FHDC1: variants seen among roughly 807,000 people sequenced by gnomAD.
FHDC1 encodes FH2 domain-containing protein 1.
A neutral mutation model predicts 52.6 loss-of-function variants in FHDC1; 25 were observed. The ratio of observed to expected loss-of-function variants is 0.48; its 90% confidence interval spans 0.35 to 0.66. The LOEUF is 0.66. Among genes scored for constraint, FHDC1 ranks in the 30% least tolerant of loss-of-function variants. The probability of loss-of-function intolerance (pLI) is 0.01; values close to 1 mark genes in which losing one functional copy is unlikely to be tolerated. For synonymous variants in FHDC1, 616 were observed against 581.5 expected, an observed-to-expected ratio of 1.06 and a Z score of -0.85; for missense variants, 1,459 against 1,452.8, an observed-to-expected ratio of 1.00 and a Z score of -0.07.
chr4:152,946,420 C>T (rs1195280783), intron 2 of FHDC1, among the ~76,000 whole-genome samples: 1 of 152,124 alleles, frequency 6.6e-6, no homozygotes, highest in Non-Finnish European at 1.5e-5. Context: ...TTATCTGTAG[C>T]GTGGCTAGGA....
At chr4:152,915,837 AAG>A in the FHDC1 span, among the ~76,000 whole-genome samples, 3 of 152,218 alleles carry the variant, frequency 2.0e-5, no homozygotes, top group Non-Finnish European at 4.4e-5. Flanking sequence ...AAATGGGAAA[AAG>A]TACCATTAAT....
At chr4:152,924,776 C>T in the FHDC1 span, among the ~76,000 whole-genome samples, 3 of 147,834 alleles carry the variant, frequency 2.0e-5, no homozygotes, top group South Asian at 2.1e-4. Flanking sequence ...AACCAAACAC[C>T]GCATATTCTC....
At position 152,974,823 on chromosome 4, in the gene FHDC1, G is replaced by C. The variant is rs920075759; in HGVS notation, c.1532G>C (p.Gly511Ala). Residue 511 changes from glycine (G) to alanine (A), a missense_variant, in exon 12 of 12, where the codon GGT becomes GCT. Gly to Ala is a moderately conservative substitution (Grantham distance 60). This residue lies in a region of FHDC1 where 939 missense variants were observed against 854.5 expected (regional missense o/e 1.10). Transcript: ENST00000511601. Reference sequence around the variant, plus strand: ...GATGTGGAGCTGCTGACCAAGAAGGGTGCAGAGGGCCTGCTCCCTTTCCTG... The same window carrying C: ...GATGTGGAGCTGCTGACCAAGAAGGCTGCAGAGGGCCTGCTCCCTTTCCTG... ...ENDVELLTKK[G>A]AEGLLPFLHP... The C allele has an allele frequency of 1.3e-6, 2 of 1,588,240 alleles. No homozygotes were observed. The highest frequency in any genetic ancestry group is 1.3e-5 in the African/African-American group (1 of 74,378).
intron 1 of FHDC1, among the ~76,000 whole-genome samples, chr4:152,936,650 C>T (rs1462610700): frequency 6.6e-6 from 1 of 152,264 alleles, no homozygotes; most frequent in Non-Finnish European, 1.5e-5. Flanking sequence ...CGCCCTTACC[C>T]GGCCACGGAG....
At chr4:152,953,946 A>C (rs1290888281) in intron 3 of FHDC1, among the ~76,000 whole-genome samples, 1 of 152,252 alleles carries the variant, frequency 6.6e-6, no homozygotes, top group African/African-American at 2.4e-5. Context: ...TATTTTTCTC[A>C]CAACAAAAGA....
Position 152,975,013 on chromosome 4 carries a change from C to T in FHDC1, c.1722C>T (p.Ser574=), listed in dbSNP as rs1489438586. 2.5e-6 allele frequency: 4 copies of T among 1,612,608 alleles called. No individual in the cohort carries two copies. The highest frequency in any genetic ancestry group is 3.4e-6 in the Non-Finnish European group (4 of 1,179,818). Residue 574 remains serine, a synonymous_variant, in exon 12 of 12, where the codon AGC becomes AGT. Coordinates refer to ENST00000511601, the MANE Select transcript of FHDC1 (RefSeq NM_001371116.1). ...ATAAGTTCCACAGCCTGCCCCGGAG[C>T]AGCCCCCGGCAGGCCCGGCCCACGA... is the stretch of plus-strand genomic sequence containing the variant. ...EPNKFHSLPR[S]SPRQARPTIA...
chr4:152,930,098 A>T, the FHDC1 span, among the ~76,000 whole-genome samples: 1 of 152,186 alleles, frequency 6.6e-6, no homozygotes, highest in Non-Finnish European at 1.5e-5. Flanking sequence ...CTGCCCATCA[A>T]TCACCCCACA....
chr4:152,935,878 C>A (rs1284993585), upstream of FHDC1, among the ~76,000 whole-genome samples: 1 of 152,018 alleles, frequency 6.6e-6, no homozygotes, highest in Non-Finnish European at 1.5e-5. Context: ...TGTGCGCGCC[C>A]GTGTGCACAA....
At chr4:152,931,935 T>TAAAAAA, upstream of FHDC1, among the ~76,000 whole-genome samples, 1 of 95,266 alleles carries the variant, frequency 1.0e-5, no homozygotes, top group Non-Finnish European at 2.0e-5. Context: ...AGAACCTGTC[T>TAAAAAA]AAAAAAAAAA....
chr4:152,955,147 T>C (rs1241851651), intron 4 of FHDC1, among the ~76,000 whole-genome samples: 1 of 152,218 alleles, frequency 6.6e-6, no homozygotes, highest in Non-Finnish European at 1.5e-5. Flanking sequence ...AAAGATGCTC[T>C]AAAATTTTGG....
At chr4:152,930,997 A>ACACACACTTT in the FHDC1 span, among the ~76,000 whole-genome samples, 1 of 113,146 alleles carries the variant, frequency 8.8e-6, no homozygotes, top group African/African-American at 3.4e-5. Context: ...ACACACACAC[A>ACACACACTTT]CTCTCTCTCT....
At chr4:152,972,892 C>G (rs980297274) in intron 11 of FHDC1, among the ~76,000 whole-genome samples, 6 of 152,224 alleles carry the variant, frequency 3.9e-5, no homozygotes, top group African/African-American at 9.7e-5. Flanking sequence ...GAATGTCTTT[C>G]TCTCCCGCTC....
At chr4:152,973,285 C>T (rs934723060) in intron 11 of FHDC1, among the ~76,000 whole-genome samples, 5 of 152,232 alleles carry the variant, frequency 3.3e-5, no homozygotes, top group East Asian at 1.9e-4. Context: ...CTCTCCCCCT[C>T]CAGTTGGAAT....
intron 1 of FHDC1, among the ~76,000 whole-genome samples, chr4:152,940,195 T>C (rs1168720973): frequency 1.3e-5 from 2 of 152,204 alleles, no homozygotes; most frequent in South Asian, 2.1e-4. Context: ...GGAAACCCTA[T>C]TGGAGTAAAG....
intron 9 of FHDC1, among the ~76,000 whole-genome samples, chr4:152,966,292 G>A (rs1263242912): frequency 6.6e-6 from 1 of 152,194 alleles, no homozygotes; most frequent in Non-Finnish European, 1.5e-5. Context: ...ATACAAACAG[G>A]TCTCAGATAT....
In FHDC1 at chr4:152,979,223, T is replaced by C. The variant is rs920835187; in HGVS notation, c.*2500T>C. 1 of 152,216 alleles carries C rather than the reference T, an allele frequency of 6.6e-6. No homozygotes were observed. Among genetic ancestry groups the C allele is most frequent in the African/African-American group, 2.4e-5 (1 of 41,448 alleles). 9.4% of individuals were successfully genotyped at this position (152,216 alleles called of 1,614,324 possible). ...AAGCCTGTTTCCCATATCACAGATG[T>C]GGGGCCATGGCCTCGATGATGGTCT... On this transcript the variant is annotated 3_prime_UTR_variant, in exon 12 of 12. Transcript: ENST00000511601.
chr4:152,975,850 C>A lies in FHDC1; in HGVS notation c.2559C>A (p.Pro853=). Reference sequence around the variant, plus strand: ...AGGGCGGCCTGCCCAGGGACAAACCCACCAAAAGGAAAGATGTTGTAGCAC... The same window carrying A: ...AGGGCGGCCTGCCCAGGGACAAACCAACCAAAAGGAAAGATGTTGTAGCAC... ...SCKGGLPRDK[P]TKRKDVVAPK... is the part of the protein sequence containing the mutation. Residue 853 remains proline (P), a synonymous_variant, in exon 12 of 12, where the codon CCC becomes CCA. Coordinates refer to ENST00000511601, the MANE Select transcript of FHDC1 (RefSeq NM_001371116.1). 1 of 1,515,360 alleles carries A rather than the reference C, an allele frequency of 6.6e-7. No individual in the cohort carries two copies. The highest frequency in any genetic ancestry group is 8.8e-7 in the Non-Finnish European group (1 of 1,133,158). 93.9% of individuals were successfully genotyped at this position (1,515,360 alleles called of 1,614,324 possible).
In FHDC1 at chr4:152,955,882, G is replaced by A. The variant is rs1253231816; in HGVS notation, c.663+1563G>A. Among the ~76,000 whole-genome samples the A allele has an allele frequency of 2.0e-5, 3 of 152,160 alleles. No individual in the cohort carries two copies. The East Asian group carries it at 5.8e-4, about 29-fold the overall frequency. The stretch of plus-strand genomic sequence containing the variant: ...TCCCACTCTTCTTCCCAGACATAAT[G>A]TATGTAGCTTTACTTTAGTGTCAGG... On this transcript the variant is annotated intron_variant, in intron 4 of 11. Coordinates refer to ENST00000511601, the MANE Select transcript of FHDC1 (RefSeq NM_001371116.1).
rs749380139 is a variant in FHDC1, at chr4:152,960,546, CT to C, written c.664-16del. ...TCGTAAGTGATTTTATATACCCCCCCTTTCCATTTGTCTTTTAGGTAAAGAA... is the reference window on the plus strand; with the variant it reads ...TCGTAAGTGATTTTATATACCCCCCCTTCCATTTGTCTTTTAGGTAAAGAA... On this transcript the variant is annotated intron_variant, in intron 4 of 11. Coordinates refer to ENST00000511601, the MANE Select transcript of FHDC1 (RefSeq NM_001371116.1). 1.9e-6 allele frequency: 3 copies of C among 1,602,490 alleles called. No homozygotes were observed. Among genetic ancestry groups the C allele is most frequent in the East Asian group, 4.5e-5 (2 of 44,812 alleles).
Sources: gnomAD v4.1 joint callset for allele counts (sites outside exome capture counted in the v4.1 genomes callset) on GRCh38, gnomAD v4.1.1 for gene constraint, gnomAD v4.1.1 regional missense constraint, MANE v1.5 for transcripts, NCBI Gene and HGNC (gene_info 2026-07-23, HGNC 2026-07-21) for gene names.